Variants in CHST11 observed in about 807,000 individuals in gnomAD.
CHST11 encodes the protein carbohydrate sulfotransferase 11.
CHST11 carries 9 observed loss-of-function variants against 30.4 expected under a neutral mutation model. That is an observed-to-expected ratio of 0.30 (90% CI 0.18 to 0.52). The LOEUF is 0.52. Ranked by LOEUF, CHST11 falls within the 20% of genes least tolerant of loss-of-function variation. The pLI, the probability that CHST11 is intolerant of heterozygous loss-of-function variation, is 0.97. For missense variants in CHST11, 348 were observed against 460.6 expected, an observed-to-expected ratio of 0.76 and a Z score of 2.24; for synonymous variants, 152 against 187.8, an observed-to-expected ratio of 0.81 and a Z score of 1.56.
At chr12:104,546,058 A>G (rs2038345096) in intron 1 of CHST11, among the ~76,000 whole-genome samples, 1 of 152,142 alleles carries the variant, frequency 6.6e-6, no homozygotes, top group Non-Finnish European at 1.5e-5. Context: ...ATACCAGCAC[A>G]TTGGGGATTT....
intron 2 of CHST11, among the ~76,000 whole-genome samples, chr12:104,668,044 A>G (rs60736625): frequency 7.7e-4 from 117 of 152,148 alleles, no homozygotes; most frequent in African/African-American, 2.7e-3. Flanking sequence ...AAGCTGGAGT[A>G]AGAATACTTG....
chr12:104,668,071 CCACCCCTGGCTTACCCCCACACCATATA>C (rs929398178), intron 2 of CHST11, among the ~76,000 whole-genome samples: 4 of 136,332 alleles, frequency 2.9e-5, no homozygotes, highest in Non-Finnish European at 4.7e-5. Flanking sequence ...AATCCCGGTA[CCACCCCTGGCTTACCCCCACACCATATA>C]CCCTGGCTGT....
At chr12:104,503,950 G>A (rs1190977589) in intron 1 of CHST11, among the ~76,000 whole-genome samples, 2 of 152,210 alleles carry the variant, frequency 1.3e-5, no homozygotes, top group African/African-American at 4.8e-5. Context: ...AATGCTTTTG[G>A]ACTCAACCTT....
chr12:104,622,444 T>C (rs1566012058), intron 2 of CHST11, among the ~76,000 whole-genome samples: 1 of 152,226 alleles, frequency 6.6e-6, no homozygotes, highest in African/African-American at 2.4e-5. Context: ...ATTCTCAAAG[T>C]ACCCGCATAG....
chr12:104,583,729 T>TTTTTTTTTTTTTA (rs2038771750), intron 1 of CHST11, among the ~76,000 whole-genome samples: 1 of 540 alleles, frequency 1.9e-3, no homozygotes, highest in African/African-American at 3.2e-3. Context: ...CTCTTTTTTT[T>TTTTTTTTTTTTTA]GAGGATGGAG....
intron 2 of CHST11, among the ~76,000 whole-genome samples, chr12:104,734,839 G>C (rs1267369350): frequency 6.6e-6 from 1 of 152,220 alleles, no homozygotes; most frequent in Non-Finnish European, 1.5e-5. Flanking sequence ...GAGATCCAGA[G>C]GAGGAGGGTT....
intron 2 of CHST11, among the ~76,000 whole-genome samples, chr12:104,750,455 T>TTTTTTTTTTTTTTTTTTTTTTTG (rs1566064739): frequency 8.5e-6 from 1 of 117,468 alleles, no homozygotes; most frequent in Non-Finnish European, 1.8e-5. Context: ...TTTTTTTTTT[T>TTTTTTTTTTTTTTTTTTTTTTTG]TGTTGAGACT....
intron 2 of CHST11, among the ~76,000 whole-genome samples, chr12:104,680,337 G>A (rs79457893): frequency 2.7e-4 from 41 of 152,344 alleles, no homozygotes; most frequent in African/African-American, 9.6e-4. Context: ...AGAGAGAAGA[G>A]CAAGTGCAAG....
intron 1 of CHST11, among the ~76,000 whole-genome samples, chr12:104,564,553 G>T (rs1277268591): frequency 1.3e-5 from 2 of 152,170 alleles, no homozygotes; most frequent in African/African-American, 4.8e-5. Flanking sequence ...GTAACTGTTG[G>T]TGTTATGATA....
At chr12:104,657,871 G>T (rs184538112) in intron 2 of CHST11, among the ~76,000 whole-genome samples, 15 of 152,290 alleles carry the variant, frequency 9.8e-5, no homozygotes, top group Non-Finnish European at 1.9e-4. Flanking sequence ...CTTGGCTCAA[G>T]CTGGAGCAGG....
intron 2 of CHST11, among the ~76,000 whole-genome samples, chr12:104,734,683 C>T (rs1419755630): frequency 1.3e-5 from 2 of 152,130 alleles, no homozygotes; most frequent in Non-Finnish European, 2.9e-5. Flanking sequence ...CATGGGATAC[C>T]CAGTCAGCCA....
intron 2 of CHST11, among the ~76,000 whole-genome samples, chr12:104,614,568 G>A (rs1158678058): frequency 6.6e-6 from 1 of 152,056 alleles, no homozygotes; most frequent in Non-Finnish European, 1.5e-5. Flanking sequence ...ATAAAATGAT[G>A]TCCTATATGA....
intron 1 of CHST11, among the ~76,000 whole-genome samples, chr12:104,577,393 G>A (rs972559359): frequency 6.6e-6 from 1 of 151,966 alleles, no homozygotes; most frequent in Non-Finnish European, 1.5e-5. Flanking sequence ...GCTCTTTTTG[G>A]AACACTCCAG....
chr12:104,680,277 C>G (rs936366586), intron 2 of CHST11, among the ~76,000 whole-genome samples: 1 of 152,240 alleles, frequency 6.6e-6, no homozygotes, highest in Non-Finnish European at 1.5e-5. Context: ...CCTCTCAACA[C>G]TGGAGTGACA....
intron 1 of CHST11, among the ~76,000 whole-genome samples, chr12:104,457,802 T>C (rs12426921): frequency 0.11 from 15,406 of 139,122 alleles, 1,075 homozygotes; most frequent in East Asian, 0.32. Context: ...TTTTTTTTTT[T>C]TTCTTCTTCT....
intron 1 of CHST11, among the ~76,000 whole-genome samples, chr12:104,523,971 G>T (rs1462732632): frequency 6.6e-6 from 1 of 151,586 alleles, no homozygotes. Context: ...GTGAAAGACA[G>T]AAGCTCTGAT....
chr12:104,461,611 TAGAA>T (rs1172849967), intron 1 of CHST11, among the ~76,000 whole-genome samples: 1 of 152,204 alleles, frequency 6.6e-6, no homozygotes, highest in Admixed American at 6.5e-5. Flanking sequence ...CTACTGTTCA[TAGAA>T]AGAAGCCTTC....
intron 1 of CHST11, among the ~76,000 whole-genome samples, chr12:104,535,687 G>T (rs1447576318): frequency 2.0e-5 from 3 of 152,186 alleles, no homozygotes; most frequent in Admixed American, 1.3e-4. Context: ...CGGAATGGGT[G>T]GGAAAGTACA....
intron 2 of CHST11, among the ~76,000 whole-genome samples, chr12:104,651,006 A>G (rs948171094): frequency 6.6e-6 from 1 of 152,226 alleles, no homozygotes; most frequent in Non-Finnish European, 1.5e-5. Flanking sequence ...CTTAGCACAT[A>G]GTATTTATTA....
Sources: gnomAD v4.1 joint callset for allele counts (sites outside exome capture counted in the v4.1 genomes callset) on GRCh38, gnomAD v4.1.1 for gene constraint, MANE v1.5 for transcripts, NCBI Gene and HGNC (gene_info 2026-07-23, HGNC 2026-07-21) for gene names.